Variants in AGMO observed in about 807,000 individuals in gnomAD.
AGMO encodes the protein alkylglycerol monooxygenase.
A neutral mutation model predicts 60.2 loss-of-function variants in AGMO; 75 were observed. That is an observed-to-expected ratio of 1.25 (90% CI 1.03 to 1.51). The LOEUF (loss-of-function observed/expected upper bound fraction) is 1.51. Among genes scored for constraint, AGMO ranks in the 40% most tolerant of loss-of-function variants. The pLI is 0.00. For synonymous variants in AGMO, 261 were observed against 177.1 expected (o/e 1.47, Z -3.76); for missense variants, 763 against 525.5 (o/e 1.45, Z -4.42).
At chr7:15,143,250 T>A in the AGMO span, among the ~76,000 whole-genome samples, 1 of 152,232 alleles carries the variant, frequency 6.6e-6, no homozygotes, top group South Asian at 2.1e-4. Context: ...TGACAGACTT[T>A]TCTAAGTCCA....
At chr7:15,318,659 T>C (rs1163604033) in intron 12 of AGMO, among the ~76,000 whole-genome samples, 1 of 152,206 alleles carries the variant, frequency 6.6e-6, no homozygotes, top group Non-Finnish European at 1.5e-5. Context: ...GCTTTATCTG[T>C]AGGATCCATT....
intron 12 of AGMO, among the ~76,000 whole-genome samples, chr7:15,227,430 A>G (rs988582555): frequency 2.0e-5 from 3 of 152,016 alleles, no homozygotes; most frequent in Non-Finnish European, 4.4e-5. Flanking sequence ...CAAATATATC[A>G]ACAATGACAA....
intron 12 of AGMO, among the ~76,000 whole-genome samples, chr7:15,315,058 G>A (rs2128534284): frequency 6.6e-6 from 1 of 152,162 alleles, no homozygotes; most frequent in South Asian, 2.1e-4. Flanking sequence ...ATAACTACAA[G>A]GAACTGGATT....
chr7:15,301,865 G>A (rs1286773750), intron 12 of AGMO, among the ~76,000 whole-genome samples: 3 of 151,984 alleles, frequency 2.0e-5, no homozygotes, highest in African/African-American at 4.8e-5. Context: ...ATGGGCTCAA[G>A]AAGGGCTCAA....
At chr7:15,355,584 A>G (rs1165185312) in intron 12 of AGMO, among the ~76,000 whole-genome samples, 1 of 151,894 alleles carries the variant, frequency 6.6e-6, no homozygotes, top group Non-Finnish European at 1.5e-5. Context: ...TTGCATAATT[A>G]TAGCCTGTAT....
Position 15,517,416 on chromosome 7 carries a change from C to G in AGMO, c.409+27356G>C, listed in dbSNP as rs1023326280. Among the ~76,000 whole-genome samples the G allele has an allele frequency of 2.0e-5, 3 of 151,260 alleles. No individual in the cohort carries two copies. In the East Asian group the frequency reaches 5.9e-4, roughly 30 times the overall value. ...AACAGCTCTGGTCTGCAGCTCCCAG[C>G]GAGACCAATGCAGAAGGTGGGTGAT... On this transcript the variant is annotated intron_variant, in intron 3 of 12. Transcript: ENST00000342526.
chr7:15,256,986 A>T (rs896536713), intron 12 of AGMO, among the ~76,000 whole-genome samples: 3 of 152,204 alleles, frequency 2.0e-5, no homozygotes, highest in Non-Finnish European at 4.4e-5. Flanking sequence ...GCCTCTAAAC[A>T]AAGAGGTGCA....
At chr7:15,476,695 T>A (rs1782601451) in intron 3 of AGMO, among the ~76,000 whole-genome samples, 1 of 152,116 alleles carries the variant, frequency 6.6e-6, no homozygotes, top group Non-Finnish European at 1.5e-5. Flanking sequence ...GCTTTGAAAG[T>A]TGTTCGTTAG....
At chr7:15,466,666 C>T (rs962350915) in intron 3 of AGMO, among the ~76,000 whole-genome samples, 6 of 152,120 alleles carry the variant, frequency 3.9e-5, no homozygotes, top group Admixed American at 6.6e-5. Context: ...TTCTCTGTGA[C>T]GCAATCCCTT....
At chr7:15,459,678 T>C (rs1782093531) in intron 3 of AGMO, among the ~76,000 whole-genome samples, 1 of 147,846 alleles carries the variant, frequency 6.8e-6, no homozygotes, top group Non-Finnish European at 1.5e-5. Context: ...AATTTAATAA[T>C]TTTTGCTCAT....
chr7:15,517,193 A>T (rs1783837846), intron 3 of AGMO, among the ~76,000 whole-genome samples: 1 of 152,058 alleles, frequency 6.6e-6, no homozygotes, highest in Non-Finnish European at 1.5e-5. Context: ...ATGGAATCAC[A>T]AGAAGGACTT....
the AGMO span, among the ~76,000 whole-genome samples, chr7:15,135,164 G>A: frequency 2.6e-5 from 1 of 37,808 alleles, no homozygotes; most frequent in Non-Finnish European, 6.3e-5. Context: ...ATATGAGTTT[G>A]TGTGTGTGTG....
In AGMO at chr7:15,495,819, A is replaced by ACTCT. The variant is rs779052709; in HGVS notation, c.409+48949_409+48952dup. ...TTTTCCTTTGTAAGTGGGGATGGAG[A>ACTCT]CTCTCTCTCTCTCTCTCTCTCTCCT... On this transcript the variant is annotated intron_variant, in intron 3 of 12. Coordinates refer to ENST00000342526, the MANE Select transcript of AGMO (RefSeq NM_001004320.2). 9.0e-4 allele frequency among the ~76,000 whole-genome samples: 126 copies of ACTCT among 139,688 alleles called. 1 individual carries two copies. The highest frequency in any genetic ancestry group is 2.9e-3 in the African/African-American group (107 of 37,214). The allele number at this position is 139,688 out of a possible 152,430, so 91.6% of individuals were successfully genotyped here.
chr7:15,524,818 C>T (rs76105900), intron 3 of AGMO, among the ~76,000 whole-genome samples: 5,848 of 149,346 alleles, frequency 0.039, 352 homozygotes, highest in East Asian at 0.28. Context: ...GCTGAGATCA[C>T]GCCATTGCAC....
At chr7:15,253,546 T>C (rs1290571132) in intron 12 of AGMO, among the ~76,000 whole-genome samples, 1 of 152,140 alleles carries the variant, frequency 6.6e-6, no homozygotes, top group Non-Finnish European at 1.5e-5. Flanking sequence ...TGAGTCAGGA[T>C]GGTATTACAT....
At chr7:15,354,393 TACAC>T (rs1782397041) in intron 12 of AGMO, among the ~76,000 whole-genome samples, 1 of 41,114 alleles carries the variant, frequency 2.4e-5, no homozygotes, top group African/African-American at 2.2e-4. Flanking sequence ...CGTGTGTGTA[TACAC>T]GTGTGTGTAC....
chr7:15,475,547 G>T (rs1368880587), intron 3 of AGMO, among the ~76,000 whole-genome samples: 1 of 152,008 alleles, frequency 6.6e-6, no homozygotes, highest in East Asian at 1.9e-4. Context: ...GTCGGATGTG[G>T]GGGGCTAGAG....
At chr7:15,215,831 A>G (rs1781720154) in intron 12 of AGMO, among the ~76,000 whole-genome samples, 1 of 152,090 alleles carries the variant, frequency 6.6e-6, no homozygotes, top group Non-Finnish European at 1.5e-5. Context: ...ATTGAAATGC[A>G]GTATTATGAC....
chr7:15,190,665 G>A, the AGMO span, among the ~76,000 whole-genome samples: 1 of 152,096 alleles, frequency 6.6e-6, no homozygotes, highest in South Asian at 2.1e-4. Flanking sequence ...AACATACTAT[G>A]AAATAAAACC....
Sources: allele counts gnomAD v4.1 joint callset (sites outside exome capture counted in the v4.1 genomes callset), GRCh38; gene constraint gnomAD v4.1.1; transcripts MANE v1.5; gene names NCBI Gene and HGNC (gene_info 2026-07-23, HGNC 2026-07-21).